The following CD109 variants were observed in gnomAD, a reference collection of about 807,000 sequenced individuals.
CD109 encodes CD109 molecule, also known as CD109 antigen.
Under a neutral mutation model 165.8 loss-of-function variants are expected in CD109, and 149 were observed. The observed-to-expected ratio is 0.90, with a 90% CI of 0.79 to 1.03. The LOEUF (loss-of-function observed/expected upper bound fraction) is 1.03, where lower values mean the gene tolerates loss of function less well. Ranked by LOEUF, CD109 falls within the 50% of genes least tolerant of loss-of-function variation. The probability of loss-of-function intolerance (pLI) is 0.00; values close to 1 mark genes in which losing one functional copy is unlikely to be tolerated. For synonymous variants in CD109, 585 were observed against 592.1 expected (o/e 0.99, Z 0.18); for missense variants, 1,712 against 1,677.8 (o/e 1.02, Z -0.36).
At chr6:73,797,208 A>T (rs1030699516) in intron 23 of CD109, among the ~76,000 whole-genome samples, 2 of 152,226 alleles carry the variant, frequency 1.3e-5, no homozygotes, top group African/African-American at 4.8e-5. Context: ...CAGCTACATC[A>T]TTGAATGAAG....
chr6:73,782,762 A>T lies in CD109; in HGVS notation c.2105+7A>T, dbSNP rs766848041. 6.2e-7 allele frequency: 1 copy of T among 1,613,008 alleles called. No homozygotes were observed. Among genetic ancestry groups the T allele is most frequent in the South Asian group, 1.1e-5 (1 of 90,920 alleles). On this transcript the variant is annotated splice_region_variant and intron_variant, in intron 18 of 32. Transcript: ENST00000287097. ...GGCTAGACACCAACATGGGGTAAAA[A>T]TTTATAAAGTTCTTTGCCCATACAT...
At chr6:73,760,776 C>A (rs1773588176) in intron 7 of CD109, among the ~76,000 whole-genome samples, 1 of 152,084 alleles carries the variant, frequency 6.6e-6, no homozygotes, top group African/African-American at 2.4e-5. Context: ...ACCTGGGAGG[C>A]AGAGGTTGCA....
At chr6:73,745,264 C>T (rs1377631144) in intron 5 of CD109, among the ~76,000 whole-genome samples, 1 of 152,026 alleles carries the variant, frequency 6.6e-6, no homozygotes, top group Non-Finnish European at 1.5e-5. Flanking sequence ...CACCATGGGC[C>T]TGGCTAATTT....
chr6:73,765,496 C>G (rs147790549), intron 10 of CD109, among the ~76,000 whole-genome samples: 2 of 152,128 alleles, frequency 1.3e-5, no homozygotes, highest in Non-Finnish European at 2.9e-5. Context: ...CTGCAGGTAA[C>G]TGGAGGTGTT....
intron 2 of CD109, among the ~76,000 whole-genome samples, chr6:73,702,777 T>C (rs1233285574): frequency 2.6e-5 from 4 of 152,160 alleles, no homozygotes; most frequent in Non-Finnish European, 5.9e-5. Flanking sequence ...ATTATATGGA[T>C]ATTGTGAGGA....
rs750252206 is a variant in CD109 at position 73,730,496 on chromosome 6, G to A, written c.429G>A (p.Lys143=). The change falls in exon 4 of 33, where the codon AAG becomes AAA. Residue 143 remains lysine, a synonymous_variant. Coordinates refer to ENST00000287097, the MANE Select transcript of CD109 (RefSeq NM_133493.5). ...IQTDKALYKP[K]QEVKFRIVTL... ...CAGACAAGGCCTTATACAAGCCAAAGCAAGAAGTGAAGTTTCGCATTGTTA... is the reference window on the plus strand; with the variant it reads ...CAGACAAGGCCTTATACAAGCCAAAACAAGAAGTGAAGTTTCGCATTGTTA... The A allele has an allele frequency of 9.4e-5, 151 of 1,614,006 alleles. No homozygotes were observed. Among genetic ancestry groups the A allele is most frequent in the Middle Eastern group, 4.9e-4 (3 of 6,084 alleles).
chr6:73,763,366 G>A (rs978852502), intron 9 of CD109, among the ~76,000 whole-genome samples: 2 of 152,198 alleles, frequency 1.3e-5, no homozygotes, highest in African/African-American at 4.8e-5. Context: ...CACTGCGGTA[G>A]AATGGCAGCA....
At chr6:73,715,113 A>T (rs1258416337) in intron 2 of CD109, among the ~76,000 whole-genome samples, 3 of 152,118 alleles carry the variant, frequency 2.0e-5, no homozygotes, top group Non-Finnish European at 4.4e-5. Context: ...ACAAAAAATT[A>T]GCCAGCTGTG....
At chr6:73,727,156 T>A (rs979971530) in intron 3 of CD109, among the ~76,000 whole-genome samples, 2 of 152,146 alleles carry the variant, frequency 1.3e-5, no homozygotes. Context: ...AGAGAGAAAC[T>A]TTTATAAAAA....
intron 17 of CD109, 80 bp downstream of exon 17, chr6:73,781,399 T>C (rs1269284109): frequency 8.7e-7 from 1 of 1,155,676 alleles, no homozygotes; most frequent in Non-Finnish European, 1.3e-6. Context: ...GGATATTTTT[T>C]AGATGAACAT....
intron 15 of CD109, among the ~76,000 whole-genome samples, chr6:73,772,170 G>A (rs1195854950): frequency 6.6e-6 from 1 of 152,086 alleles, no homozygotes; most frequent in Non-Finnish European, 1.5e-5. Flanking sequence ...AATTTTTGAA[G>A]TGTGTTCTAT....
upstream of CD109, chr6:73,696,124 A>G (rs1770816005): frequency 2.4e-6 from 3 of 1,248,370 alleles, no homozygotes; most frequent in East Asian, 2.6e-5. Flanking sequence ...ATTAAGAGGG[A>G]AAAAAAATCA....
intron 2 of CD109, among the ~76,000 whole-genome samples, chr6:73,708,394 G>A (rs868030949): frequency 3.0e-4 from 45 of 152,112 alleles, no homozygotes; most frequent in South Asian, 2.1e-4. Flanking sequence ...AATCCAGTCT[G>A]TTGTTGTTGG....
At chr6:73,713,777 T>A (rs1339069362) in intron 2 of CD109, among the ~76,000 whole-genome samples, 1 of 152,220 alleles carries the variant, frequency 6.6e-6, no homozygotes, top group African/African-American at 2.4e-5. Flanking sequence ...GCACTTCAAA[T>A]CTGTTTAGCT....
At position 73,791,164 on chromosome 6, in the gene CD109, TATATATATATATAC is replaced by T. The variant is rs1562070960; in HGVS notation, c.2702-1460_2702-1447del. Among the ~76,000 whole-genome samples, 316 of 64,100 alleles carry T rather than the reference TATATATATATATAC, an allele frequency of 4.9e-3. 16 individuals carry two copies. The highest frequency in any genetic ancestry group is 0.019 in the African/African-American group (261 of 13,628). 42.1% of individuals were successfully genotyped at this position (64,100 alleles called of 152,430 possible). On this transcript the variant is annotated intron_variant, in intron 22 of 32. Coordinates refer to ENST00000287097, the MANE Select transcript of CD109 (RefSeq NM_133493.5). ...ATATATATATATATATATATATATA[TATATATATATATAC>T]ACACACACACATACATATATATATA...
chr6:73,740,991 TCCAAGGTTCTCTCTAC>T (rs1328682002), intron 5 of CD109, among the ~76,000 whole-genome samples: 2 of 152,134 alleles, frequency 1.3e-5, no homozygotes, highest in African/African-American at 4.8e-5. Context: ...TGACACCAAA[TCCAAGGTTCTCTCTAC>T]CCTGCCACCT....
chr6:73,762,468 A>C lies in CD109; in HGVS notation c.843A>C (p.Thr281=). The C allele has an allele frequency of 6.3e-7, 1 of 1,596,190 alleles. No homozygotes were observed. The highest frequency in any genetic ancestry group is 8.6e-7 in the Non-Finnish European group (1 of 1,164,350). The change falls in exon 8 of 33, where the codon ACA becomes ACC. Residue 281 remains threonine (T), a synonymous_variant. Coordinates refer to ENST00000287097, the MANE Select transcript of CD109 (RefSeq NM_133493.5). ...TTTGGGGAAAGAAGAAAAATATTAC[A>C]AAAACATTTAAGGTAACTTTTGCAG... ...LSFWGKKKNI[T]KTFKINGSAN... is the part of the protein sequence containing the mutation.
rs200081535 is a variant in CD109, at chr6:73,707,962, TTATATA to T, written c.247+10432_247+10437del. On this transcript the variant is annotated intron_variant, in intron 2 of 32. Coordinates refer to ENST00000287097, the MANE Select transcript of CD109 (RefSeq NM_133493.5). ...GAACTTTGATTTAAAATTGTTATCT[TTATATA>T]TATATATATATATATATATATATAT... is the stretch of plus-strand genomic sequence containing the variant. Among the ~76,000 whole-genome samples the T allele has an allele frequency of 4.9e-3, 617 of 126,678 alleles. 4 individuals carry two copies. Among genetic ancestry groups the T allele is most frequent in the African/African-American group, 8.6e-3 (262 of 30,456 alleles). 83.1% of individuals were successfully genotyped at this position (126,678 alleles called of 152,430 possible).
chr6:73,777,774 G>A (rs1215660248), intron 15 of CD109, among the ~76,000 whole-genome samples: 1 of 152,100 alleles, frequency 6.6e-6, no homozygotes, highest in Non-Finnish European at 1.5e-5. Flanking sequence ...TGGTCTATGT[G>A]TCTGTTTTTG....
Sources: allele counts gnomAD v4.1 joint callset (sites outside exome capture counted in the v4.1 genomes callset), GRCh38; gene constraint gnomAD v4.1.1; transcripts MANE v1.5; gene names NCBI Gene and HGNC (gene_info 2026-07-23, HGNC 2026-07-21).